Variants in KIF1B observed in about 807,000 individuals in gnomAD.
KIF1B encodes kinesin-like protein KIF1B.
Under a neutral mutation model 241.9 loss-of-function variants are expected in KIF1B, and 76 were observed. The observed-to-expected ratio is 0.31, with a 90% CI of 0.26 to 0.38. KIF1B has a LOEUF of 0.38. Ranked by LOEUF, KIF1B falls within the 10% of genes least tolerant of loss-of-function variation. The pLI, the probability that KIF1B is intolerant of heterozygous loss-of-function variation, is 1.00. For missense variants in KIF1B, 1,622 were observed against 2,271.4 expected (o/e 0.71, Z 5.81); for synonymous variants, 750 against 796.7 (o/e 0.94, Z 0.99).
intron 1 of KIF1B, among the ~76,000 whole-genome samples, chr1:10,220,168 C>T (rs1199911816): frequency 2.0e-5 from 3 of 149,728 alleles, no homozygotes; most frequent in African/African-American, 7.5e-5. Flanking sequence ...CGAGCCATTG[C>T]ACTCCAGCCT....
chr1:10,265,721 G>A (rs984314674), intron 5 of KIF1B, among the ~76,000 whole-genome samples: 11 of 152,016 alleles, frequency 7.2e-5, no homozygotes, highest in African/African-American at 2.7e-4. Context: ...ATGGTGGCAC[G>A]TGCCTGTAGT....
rs1243309211 is a variant in KIF1B, at chr1:10,365,789, A to G, written c.4752+141A>G. 2 of 1,230,948 alleles carry G rather than the reference A, an allele frequency of 1.6e-6. No individual in the cohort carries two copies. The highest frequency in any genetic ancestry group is 1.9e-5 in the Admixed American group (1 of 52,248). 76.3% of individuals were successfully genotyped at this position (1,230,948 alleles called of 1,614,324 possible). On this transcript the variant is annotated intron_variant, in intron 43 of 48. Transcript: ENST00000676179. The surrounding 1 kb of genome is among the most constrained non-coding windows in gnomAD (Gnocchi z 4.0). ...TGTGAATGTAGAAATAAAAAGACGC[A>G]GTTCCTACCCTCAACAAGCTTACAG...
chr1:10,305,778 A>G lies in KIF1B; in HGVS notation c.2115+8532A>G. ...CTCAGTTTGCCTCACTGGAGAATCC[A>G]CTAAGAAAGATGGATTTTAATGGGA... is the stretch of plus-strand genomic sequence containing the variant. On this transcript the variant is annotated intron_variant, in intron 22 of 48. Transcript: ENST00000676179. The G allele has an allele frequency of 1.0e-5, 11 of 1,055,466 alleles. No homozygotes were observed. The South Asian group carries it at 2.3e-4, about 22-fold the overall frequency. The allele number at this position is 1,055,466 out of a possible 1,614,324, so 65.4% of individuals were successfully genotyped here. A position where few individuals can be genotyped will look rare whatever the true frequency, so the allele number is the denominator to read the frequency against.
intron 2 of KIF1B, among the ~76,000 whole-genome samples, chr1:10,239,888 C>T (rs1178104498): frequency 1.3e-5 from 2 of 152,110 alleles, no homozygotes; most frequent in Admixed American, 1.3e-4. Context: ...GCCTCAGCCT[C>T]CCGAGTAGCT....
In KIF1B at chr1:10,347,842, C is replaced by A. The variant is rs1434290985; in HGVS notation, c.3864+15C>A. 3 of 1,596,482 alleles carry A rather than the reference C, an allele frequency of 1.9e-6. No individual in the cohort carries two copies. The highest frequency in any genetic ancestry group is 2.6e-6 in the Non-Finnish European group (3 of 1,164,310). The stretch of plus-strand genomic sequence containing the variant: ...TGCTTCATCAGGTACTAATGAGGGA[C>A]CAAAACAGGCATCGGAGGGAACACT... On this transcript the variant is annotated intron_variant, in intron 36 of 48. Coordinates refer to ENST00000676179, the MANE Select transcript of KIF1B (RefSeq NM_001365951.3).
Position 10,381,500 on chromosome 1 carries a change from A to T in KIF1B, c.*4913A>T, listed in dbSNP as rs938892086. ...TCTGATTCTTTTGCTGTATAGCCTT[A>T]GATGTGCAATGCAGACACTATCTAA... On this transcript the variant is annotated 3_prime_UTR_variant, in exon 49 of 49. Coordinates refer to ENST00000676179, the MANE Select transcript of KIF1B (RefSeq NM_001365951.3). 9.8e-6 allele frequency: 2 copies of T among 204,132 alleles called. No homozygotes were observed. The highest frequency in any genetic ancestry group is 3.8e-4 in the South Asian group (2 of 5,266). 12.6% of individuals were successfully genotyped at this position (204,132 alleles called of 1,614,324 possible). A position where few individuals can be genotyped will look rare whatever the true frequency, so the allele number is the denominator to read the frequency against.
chr1:10,349,374 G>T (rs939216951), intron 37 of KIF1B, among the ~76,000 whole-genome samples: 3 of 151,960 alleles, frequency 2.0e-5, no homozygotes, highest in Non-Finnish European at 4.4e-5. Context: ...GGTGGAGGTT[G>T]CAGTGAGCTG....
intron 1 of KIF1B, among the ~76,000 whole-genome samples, chr1:10,230,363 T>C (rs17400510): frequency 0.27 from 40,438 of 151,874 alleles, 5,590 homozygotes; most frequent in Admixed American, 0.32. Context: ...TTTGTTTGGT[T>C]ATTCTTGAAA....
In KIF1B at chr1:10,361,778, C is replaced by G. The variant is rs978648318; in HGVS notation, c.4257C>G (p.Arg1419=). The change falls in exon 40 of 49, where the codon CGC becomes CGG. Residue 1419 remains arginine, a synonymous_variant. Transcript: ENST00000676179. ...YSRDAKISPP[R]SLRSLFGSGY... ...GAGATGCCAAGATCTCACCACCACG[C>G]TCTCTGCGTAGCCTCTTTGGCAGCG... The G allele has an allele frequency of 1.2e-6, 2 of 1,614,070 alleles. No homozygotes were observed. The highest frequency in any genetic ancestry group is 8.5e-7 in the Non-Finnish European group (1 of 1,180,036).
At chr1:10,305,433 A>G (rs2102274313) in intron 22 of KIF1B, 1 of 1,057,454 alleles carries the variant, frequency 9.5e-7, no homozygotes, top group Non-Finnish European at 1.1e-6. Flanking sequence ...AAAGTGAACT[A>G]TTCACCAAAA....
At chr1:10,272,971 A>G in intron 9 of KIF1B, 43 bp from the exon 10 acceptor site, 1 of 1,511,600 alleles carries the variant, frequency 6.6e-7, no homozygotes, top group Non-Finnish European at 9.0e-7. Context: ...TTGGAGGCTT[A>G]TCCTGTGTTC....
intron 14 of KIF1B, among the ~76,000 whole-genome samples, chr1:10,279,689 CTTTTTTTTTTT>C (rs34983973): frequency 1.5e-5 from 1 of 67,624 alleles, no homozygotes; most frequent in Non-Finnish European, 2.6e-5. Flanking sequence ...ACGTTTTTTC[CTTTTTTTTTTT>C]TTTTTTTTTT....
At position 10,267,360 on chromosome 1, in the gene KIF1B, C is replaced by T; in HGVS notation, c.430-20C>T. On this transcript the variant is annotated intron_variant, in intron 5 of 48. Transcript: ENST00000676179. ...GTGATTTCTTTTTCACTCTAATTCA[C>T]TTTACTAATTTGTTCATAGGTGAGC... 1 of 1,611,222 alleles carries T rather than the reference C, an allele frequency of 6.2e-7. No homozygotes were observed. The highest frequency in any genetic ancestry group is 1.3e-5 in the African/African-American group (1 of 74,962).
At chr1:10,215,318 A>G (rs1646754529) in intron 1 of KIF1B, among the ~76,000 whole-genome samples, 1 of 150,270 alleles carries the variant, frequency 6.7e-6, no homozygotes, top group South Asian at 2.1e-4. Context: ...CTGGGATTAC[A>G]GGCCTGTGCC....
intron 32 of KIF1B, among the ~76,000 whole-genome samples, chr1:10,340,262 G>T (rs1652342710): frequency 6.6e-6 from 1 of 152,160 alleles, no homozygotes; most frequent in African/African-American, 2.4e-5. Flanking sequence ...GCTAAATTAA[G>T]ATTTAGATCT....
chr1:10,214,452 G>C (rs1014280758), intron 1 of KIF1B, among the ~76,000 whole-genome samples: 48 of 151,834 alleles, frequency 3.2e-4, no homozygotes, highest in African/African-American at 1.1e-3. Context: ...ACCATGCCCA[G>C]CTAATTTTTG....
At chr1:10,294,956 G>C in intron 17 of KIF1B, 130 bp from the exon 18 acceptor site, 1 of 735,930 alleles carries the variant, frequency 1.4e-6, no homozygotes, top group South Asian at 1.4e-5. Context: ...ACCGCAACTA[G>C]GGATAAAAAG....
At chr1:10,272,095 A>G in intron 8 of KIF1B, 146 bp from the exon 9 acceptor site, 1 of 654,226 alleles carries the variant, frequency 1.5e-6, no homozygotes, top group Non-Finnish European at 2.7e-6. Flanking sequence ...CAAGTGGAAA[A>G]GAGGACAGAT....
chr1:10,229,918 C>T (rs112606821), intron 1 of KIF1B, among the ~76,000 whole-genome samples: 5,039 of 139,402 alleles, frequency 0.036, 103 homozygotes, highest in Middle Eastern at 0.16. Flanking sequence ...AGGGGCCAGA[C>T]GTGGTGGCTC....
Sources: allele counts gnomAD v4.1 joint callset (sites outside exome capture counted in the v4.1 genomes callset), GRCh38; gene constraint gnomAD v4.1.1; non-coding constraint Gnocchi (gnomAD v3.1); transcripts MANE v1.5; gene names NCBI Gene and HGNC (gene_info 2026-07-23, HGNC 2026-07-21).